WHRN: variants seen among roughly 807,000 people sequenced by gnomAD.
WHRN encodes whirlin.
A neutral mutation model predicts 68.3 loss-of-function variants in WHRN; 41 were observed. The observed-to-expected ratio is 0.60, with a 90% CI of 0.47 to 0.78. The LOEUF is 0.78. WHRN is among the 30% of genes least tolerant of loss of function. The pLI, the probability that WHRN is intolerant of heterozygous loss-of-function variation, is 0.00. For synonymous variants in WHRN, 560 were observed against 561.3 expected (o/e 1.00, Z 0.03); for missense variants, 1,243 against 1,244.7 (o/e 1.00, Z 0.02).
chr9:114,490,176 C>T (rs1842867077), intron 1 of WHRN, among the ~76,000 whole-genome samples: 1 of 152,134 alleles, frequency 6.6e-6, no homozygotes. Flanking sequence ...TCGAGTGGAC[C>T]ACAGAGCATT....
rs937343366 is a variant in WHRN at position 114,426,359 on chromosome 9, C to T, written c.1018G>A (p.Asp340Asn). ...GACTTAAGCAGCCTGACAGCCTCGTCGTGTAGGATGTTGAGAAAGCTCCGC... is the reference window on the plus strand; with the variant it reads ...GACTTAAGCAGCCTGACAGCCTCGTTGTGTAGGATGTTGAGAAAGCTCCGC... ...NGRSFLNILH[D>N]EAVRLLKSSR... Residue 340 changes from aspartate (D) to asparagine (N), a missense_variant, in exon 4 of 12, where the codon GAC becomes AAC. Asp to Asn is a conservative substitution (Grantham distance 23). Coordinates refer to ENST00000362057, the MANE Select transcript of WHRN (RefSeq NM_015404.4). 16 of 1,613,974 alleles carry T rather than the reference C, an allele frequency of 9.9e-6. No homozygotes were observed. Among genetic ancestry groups the T allele is most frequent in the Admixed American group, 1.7e-5 (1 of 59,994 alleles).
intron 7 of WHRN, among the ~76,000 whole-genome samples, chr9:114,415,492 TCAG>T: frequency 6.6e-6 from 1 of 152,246 alleles, no homozygotes; most frequent in East Asian, 1.9e-4. Context: ...CACCAGCTCC[TCAG>T]CTGTCTCACC....
At chr9:114,439,441 G>A (rs2132563724) in intron 3 of WHRN, among the ~76,000 whole-genome samples, 1 of 152,294 alleles carries the variant, frequency 6.6e-6, no homozygotes, top group East Asian at 1.9e-4. Flanking sequence ...AACTACTTTT[G>A]TGTCTTGTAA....
intron 3 of WHRN, among the ~76,000 whole-genome samples, chr9:114,429,232 G>A (rs918063003): frequency 2.0e-5 from 3 of 152,204 alleles, no homozygotes; most frequent in African/African-American, 7.2e-5. Flanking sequence ...CGCCCCGCCA[G>A]TGTCAGATTA....
intron 3 of WHRN, among the ~76,000 whole-genome samples, chr9:114,456,637 G>A (rs1184083614): frequency 6.6e-6 from 1 of 152,082 alleles, no homozygotes; most frequent in Admixed American, 6.5e-5. Flanking sequence ...AGACCAGCCT[G>A]GTCCACATGA....
At chr9:114,471,228 G>T (rs1841194356) in intron 2 of WHRN, among the ~76,000 whole-genome samples, 1 of 151,924 alleles carries the variant, frequency 6.6e-6, no homozygotes, top group Non-Finnish European at 1.5e-5. Context: ...AATAACTCAG[G>T]CAATTGGTCA....
Position 114,402,949 on chromosome 9 carries a change from G to C in WHRN, c.2542-13C>G. Reference sequence around the variant, plus strand: ...CTGAGCCGCCTCTCTGCAGGGAGGAGACACAGGGCATGGGGTGCCCAAGGG... The same window carrying C: ...CTGAGCCGCCTCTCTGCAGGGAGGACACACAGGGCATGGGGTGCCCAAGGG... On this transcript the variant is annotated splice_polypyrimidine_tract_variant and intron_variant, in intron 11 of 11. Coordinates refer to ENST00000362057, the MANE Select transcript of WHRN (RefSeq NM_015404.4). 1 of 1,605,012 alleles carries C rather than the reference G, an allele frequency of 6.2e-7. No homozygotes were observed. The highest frequency in any genetic ancestry group is 8.5e-7 in the Non-Finnish European group (1 of 1,176,098).
At chr9:114,404,435 A>T (rs1035599080) in intron 9 of WHRN, among the ~76,000 whole-genome samples, 3 of 152,218 alleles carry the variant, frequency 2.0e-5, no homozygotes, top group African/African-American at 7.2e-5. Flanking sequence ...AATGCTACCA[A>T]TTTTTAATGA....
chr9:114,472,637 G>A (rs1006144061), intron 2 of WHRN, among the ~76,000 whole-genome samples: 24 of 152,058 alleles, frequency 1.6e-4, no homozygotes, highest in African/African-American at 5.6e-4. Flanking sequence ...ACACTAGAGC[G>A]TCAGCCCTTG....
At chr9:114,417,646 G>A (rs1426890349) in intron 7 of WHRN, among the ~76,000 whole-genome samples, 1 of 152,158 alleles carries the variant, frequency 6.6e-6, no homozygotes, top group African/African-American at 2.4e-5. Flanking sequence ...TTATGTTTTG[G>A]GTTGTTGTCC....
At chr9:114,476,563 C>A (rs1435893935) in intron 2 of WHRN, among the ~76,000 whole-genome samples, 4 of 152,158 alleles carry the variant, frequency 2.6e-5, no homozygotes, top group Non-Finnish European at 5.9e-5. Context: ...TTCCTCCCAT[C>A]AGTTTGCACT....
intron 7 of WHRN, among the ~76,000 whole-genome samples, chr9:114,416,581 C>G (rs965918537): frequency 6.6e-6 from 1 of 152,190 alleles, no homozygotes; most frequent in Non-Finnish European, 1.5e-5. Context: ...CCTGCTTCCC[C>G]TTCAAACTTC....
chr9:114,498,616 C>T (rs560984592), intron 1 of WHRN, among the ~76,000 whole-genome samples: 2 of 152,232 alleles, frequency 1.3e-5, no homozygotes, highest in East Asian at 1.9e-4. Flanking sequence ...GACCGCCCCC[C>T]AACCTTAGTA....
chr9:114,437,860 T>C (rs10982218), intron 3 of WHRN, among the ~76,000 whole-genome samples: 17,273 of 152,150 alleles, frequency 0.11, 1,863 homozygotes, highest in African/African-American at 0.29. Flanking sequence ...ATACCACAGA[T>C]AAAGGGCCAG....
intron 8 of WHRN, 63 bp downstream of exon 8, chr9:114,407,884 G>A: frequency 7.1e-7 from 1 of 1,410,618 alleles, no homozygotes; most frequent in African/African-American, 1.4e-5. Flanking sequence ...ATGGAGAGGA[G>A]AGAGCCACCA....
At chr9:114,414,800 G>A (rs1013406601) in intron 7 of WHRN, among the ~76,000 whole-genome samples, 3 of 152,246 alleles carry the variant, frequency 2.0e-5, no homozygotes, top group African/African-American at 7.2e-5. Flanking sequence ...GGGGGCACAT[G>A]CTGAGGCCTC....
At chr9:114,410,247 G>T (rs1466748230) in intron 7 of WHRN, among the ~76,000 whole-genome samples, 1 of 152,116 alleles carries the variant, frequency 6.6e-6, no homozygotes, top group African/African-American at 2.4e-5. Flanking sequence ...TTTGCATACT[G>T]TCTGTCTCTC....
chr9:114,453,662 T>C (rs1839526684), intron 3 of WHRN, among the ~76,000 whole-genome samples: 1 of 152,190 alleles, frequency 6.6e-6, no homozygotes, highest in Non-Finnish European at 1.5e-5. Flanking sequence ...ACCAATTTCT[T>C]GAGAGACGCA....
At chr9:114,455,268 G>A (rs1839682048) in intron 3 of WHRN, among the ~76,000 whole-genome samples, 1 of 152,136 alleles carries the variant, frequency 6.6e-6, no homozygotes, top group Non-Finnish European at 1.5e-5. Flanking sequence ...GCCCAGGCTG[G>A]AGTGCAGCAG....
Sources: gnomAD v4.1 joint callset for allele counts (sites outside exome capture counted in the v4.1 genomes callset) on GRCh38, gnomAD v4.1.1 for gene constraint, MANE v1.5 for transcripts, NCBI Gene and HGNC (gene_info 2026-07-23, HGNC 2026-07-21) for gene names.